Variants in MAP4K3 observed in about 807,000 individuals in gnomAD.
MAP4K3 encodes the protein mitogen-activated protein kinase kinase kinase kinase 3.
Under a neutral mutation model 143.5 loss-of-function variants are expected in MAP4K3, and 94 were observed. The ratio of observed to expected loss-of-function variants is 0.65; its 90% CI spans 0.55 to 0.78. The LOEUF (loss-of-function observed/expected upper bound fraction) is 0.78. Among genes scored for constraint, MAP4K3 ranks in the 30% least tolerant of loss-of-function variants. The probability of loss-of-function intolerance (pLI) is 0.00; values close to 1 mark genes in which losing one functional copy is unlikely to be tolerated. For missense variants in MAP4K3, 1,077 were observed against 1,068.1 expected, an observed-to-expected ratio of 1.01 and a Z score of -0.12; for synonymous variants, 416 against 347.2, an observed-to-expected ratio of 1.20 and a Z score of -2.20.
chr2:39,360,481 C>A (rs1293723098), intron 2 of MAP4K3, among the ~76,000 whole-genome samples: 4 of 152,180 alleles, frequency 2.6e-5, no homozygotes, highest in Non-Finnish European at 5.9e-5. Flanking sequence ...CTGTTCCAAC[C>A]TCTGCCTGTT....
At chr2:39,325,225 C>A (rs1683447645) in intron 12 of MAP4K3, among the ~76,000 whole-genome samples, 1 of 152,122 alleles carries the variant, frequency 6.6e-6, no homozygotes, top group Non-Finnish European at 1.5e-5. Context: ...TATTTGGCAA[C>A]TTCACCAAAA....
At chr2:39,382,846 C>T (rs1215286812) in intron 1 of MAP4K3, among the ~76,000 whole-genome samples, 2 of 152,060 alleles carry the variant, frequency 1.3e-5, no homozygotes, top group Non-Finnish European at 2.9e-5. Context: ...AACTTATAAG[C>T]CTGAAAAGGT....
chr2:39,395,969 T>A (rs968710097), intron 1 of MAP4K3, among the ~76,000 whole-genome samples: 1 of 152,184 alleles, frequency 6.6e-6, no homozygotes, highest in African/African-American at 2.4e-5. Context: ...GTAGAATATA[T>A]GTATACTTAA....
intron 29 of MAP4K3, among the ~76,000 whole-genome samples, chr2:39,260,358 T>G (rs1245204606): frequency 1.3e-5 from 2 of 152,088 alleles, no homozygotes; most frequent in Admixed American, 6.5e-5. Flanking sequence ...TCAAGCGATC[T>G]TCTCACCTTG....
intron 24 of MAP4K3, among the ~76,000 whole-genome samples, chr2:39,275,629 C>T (rs547036927): frequency 4.5e-4 from 69 of 152,208 alleles, no homozygotes; most frequent in Non-Finnish European, 9.1e-4. Context: ...AAAAATATGA[C>T]CACCTTTGAA....
intron 25 of MAP4K3, 35 bp from the exon 26 acceptor site, chr2:39,272,435 TAATA>T: frequency 6.3e-7 from 1 of 1,599,238 alleles, no homozygotes; most frequent in Non-Finnish European, 8.6e-7. Context: ...TAAAAGCTAA[TAATA>T]AATAGTAACA....
At chr2:39,411,844 T>C (rs1171674355) in intron 1 of MAP4K3, among the ~76,000 whole-genome samples, 2 of 152,206 alleles carry the variant, frequency 1.3e-5, no homozygotes, top group Non-Finnish European at 2.9e-5. Flanking sequence ...CATATCTACA[T>C]GGTGACTAAA....
At chr2:39,429,054 G>C (rs1426301342) in intron 1 of MAP4K3, among the ~76,000 whole-genome samples, 1 of 98,586 alleles carries the variant, frequency 1.0e-5, no homozygotes, top group African/African-American at 3.9e-5. Flanking sequence ...GACAGAGCGA[G>C]ACTCCGTCTC....
chr2:39,423,587 T>TA (rs1664960191), intron 1 of MAP4K3, among the ~76,000 whole-genome samples: 1 of 152,214 alleles, frequency 6.6e-6, no homozygotes, highest in African/African-American at 2.4e-5. Context: ...CAGTAATTTT[T>TA]AAAAAATGAG....
intron 1 of MAP4K3, among the ~76,000 whole-genome samples, chr2:39,383,323 GC>G (rs1298528210): frequency 6.6e-6 from 1 of 152,112 alleles, no homozygotes; most frequent in Non-Finnish European, 1.5e-5. Flanking sequence ...AAAGTGCCAA[GC>G]AAAAGAGGGG....
intron 20 of MAP4K3, among the ~76,000 whole-genome samples, chr2:39,287,394 A>G (rs562781805): frequency 3.9e-5 from 6 of 152,112 alleles, no homozygotes; most frequent in African/African-American, 1.4e-4. Context: ...CCCAGGTTCA[A>G]GCAAGCGATT....
rs116260248 is a variant in MAP4K3 at position 39,289,214 on chromosome 2, T to C, written c.1315-934A>G. Among the ~76,000 whole-genome samples the C allele has an allele frequency of 2.4e-3, 373 of 152,350 alleles. 3 individuals are homozygous for C. The highest frequency in any genetic ancestry group is 8.7e-3 in the African/African-American group (363 of 41,576). ...CGTGTCTCTTATTATTGCTCAGCACTTATTTCTTTGAAATTCAGATCTCTT... is the reference window on the plus strand; with the variant it reads ...CGTGTCTCTTATTATTGCTCAGCACCTATTTCTTTGAAATTCAGATCTCTT... On this transcript the variant is annotated intron_variant, in intron 19 of 33. Coordinates refer to ENST00000263881, the MANE Select transcript of MAP4K3 (RefSeq NM_003618.4).
chr2:39,420,765 C>T (rs1667524511), intron 1 of MAP4K3, among the ~76,000 whole-genome samples: 1 of 152,104 alleles, frequency 6.6e-6, no homozygotes, highest in African/African-American at 2.4e-5. Flanking sequence ...AGCTATTATT[C>T]CTTTGAAAAC....
At chr2:39,271,412 A>G (rs1371847128) in intron 26 of MAP4K3, among the ~76,000 whole-genome samples, 2 of 152,226 alleles carry the variant, frequency 1.3e-5, no homozygotes, top group East Asian at 3.8e-4. Context: ...CTTTACAACA[A>G]ATATTATAAA....
At chr2:39,402,559 T>C (rs936074710) in intron 1 of MAP4K3, among the ~76,000 whole-genome samples, 2 of 151,890 alleles carry the variant, frequency 1.3e-5, no homozygotes, top group Non-Finnish European at 2.9e-5. Flanking sequence ...AAACAGGAAA[T>C]CAGTGACTTC....
intron 33 of MAP4K3, among the ~76,000 whole-genome samples, chr2:39,250,965 T>C (rs965651998): frequency 1.1e-4 from 17 of 152,318 alleles, no homozygotes; most frequent in Middle Eastern, 3.4e-3. Flanking sequence ...TAGAAATTAT[T>C]TGGGGGAACT....
intron 1 of MAP4K3, among the ~76,000 whole-genome samples, chr2:39,385,902 G>A (rs1666493168): frequency 6.6e-6 from 1 of 152,048 alleles, no homozygotes; most frequent in South Asian, 2.1e-4. Flanking sequence ...AAAGTGCTGG[G>A]ATTACAGGCA....
At chr2:39,326,961 T>C (rs896629877) in intron 8 of MAP4K3, among the ~76,000 whole-genome samples, 5 of 152,178 alleles carry the variant, frequency 3.3e-5, no homozygotes, top group Non-Finnish European at 7.3e-5. Flanking sequence ...AACCTTTGTT[T>C]ATAAATTTTA....
At chr2:39,417,220 T>C (rs534387800) in intron 1 of MAP4K3, among the ~76,000 whole-genome samples, 38 of 150,298 alleles carry the variant, frequency 2.5e-4, no homozygotes, top group Non-Finnish European at 4.5e-4. Context: ...CTTTTCTTTT[T>C]TTTTTTTTTT....
Sources: gnomAD v4.1 joint callset for allele counts (sites outside exome capture counted in the v4.1 genomes callset) on GRCh38, gnomAD v4.1.1 for gene constraint, MANE v1.5 for transcripts, NCBI Gene and HGNC (gene_info 2026-07-23, HGNC 2026-07-21) for gene names.